The following PIP5K1A variants were observed in gnomAD, a reference collection of about 807,000 sequenced individuals.
PIP5K1A encodes phosphatidylinositol 4-phosphate 5-kinase type-1 alpha.
A neutral mutation model predicts 72.9 loss-of-function variants in PIP5K1A; 46 were observed. The observed-to-expected ratio is 0.63, with a 90% confidence interval of 0.50 to 0.81. PIP5K1A has a LOEUF of 0.81. Ranked by LOEUF, PIP5K1A falls within the 30% of genes least tolerant of loss-of-function variation. The pLI, the probability that PIP5K1A is intolerant of heterozygous loss-of-function variation, is 0.00. For missense variants in PIP5K1A, 458 were observed against 706.1 expected (o/e 0.65, Z 3.98); for synonymous variants, 228 against 255.1 (o/e 0.89, Z 1.01).
chr1:151,207,436 G>A (rs1686091048), intron 1 of PIP5K1A, among the ~76,000 whole-genome samples: 1 of 152,126 alleles, frequency 6.6e-6, no homozygotes, highest in Non-Finnish European at 1.5e-5. Flanking sequence ...GTTGACTAGA[G>A]GGAAATGTAG....
At chr1:151,217,582 AATTT>A (rs1005247284) in intron 1 of PIP5K1A, among the ~76,000 whole-genome samples, 3 of 151,856 alleles carry the variant, frequency 2.0e-5, no homozygotes, top group Non-Finnish European at 4.4e-5. Flanking sequence ...TTAATGTATT[AATTT>A]ATTTATGTAT....
At chr1:151,225,998 C>CA (rs1689065629) in intron 3 of PIP5K1A, among the ~76,000 whole-genome samples, 1 of 151,748 alleles carries the variant, frequency 6.6e-6, no homozygotes, top group African/African-American at 2.4e-5. Flanking sequence ...AGTCTGGTCT[C>CA]AAACTCCTAG....
intron 1 of PIP5K1A, among the ~76,000 whole-genome samples, chr1:151,216,536 C>T (rs1558254503): frequency 6.6e-6 from 1 of 152,074 alleles, no homozygotes; most frequent in Non-Finnish European, 1.5e-5. Context: ...TATTATGAAT[C>T]AGTGACTACC....
At chr1:151,233,771 G>C (rs1455892451) in intron 7 of PIP5K1A, 1 of 160,452 alleles carries the variant, frequency 6.2e-6, no homozygotes, top group Non-Finnish European at 1.4e-5. Context: ...TCAGCTTCTA[G>C]TTTGGGGAAT....
intron 4 of PIP5K1A, among the ~76,000 whole-genome samples, chr1:151,229,167 CAAAAAAAAAAA>C (rs34356281): frequency 0.025 from 1,048 of 41,374 alleles, 32 homozygotes; most frequent in African/African-American, 0.086. Context: ...GACCCCGTCT[CAAAAAAAAAAA>C]AAAAAAAAAA....
intron 14 of PIP5K1A, among the ~76,000 whole-genome samples, chr1:151,246,687 G>A (rs1692557000): frequency 6.6e-6 from 1 of 152,146 alleles, no homozygotes; most frequent in South Asian, 2.1e-4. Flanking sequence ...CCTGGAGATT[G>A]AAACAGAAGA....
At chr1:151,220,358 A>G (rs1003806268) in intron 1 of PIP5K1A, among the ~76,000 whole-genome samples, 5 of 151,810 alleles carry the variant, frequency 3.3e-5, no homozygotes, top group African/African-American at 1.2e-4. Flanking sequence ...GATTATCCAG[A>G]CTTGCTTTAT....
chr1:151,204,199 G>A (rs1004931285), intron 1 of PIP5K1A, among the ~76,000 whole-genome samples: 14 of 152,026 alleles, frequency 9.2e-5, no homozygotes, highest in Non-Finnish European at 1.6e-4. Flanking sequence ...TTTTTGAGAT[G>A]GAGTTTCGCT....
chr1:151,238,544 T>C (rs1230948963), intron 10 of PIP5K1A: 1 of 389,950 alleles, frequency 2.6e-6, no homozygotes, highest in Non-Finnish European at 4.8e-6. Flanking sequence ...ATATGCCATC[T>C]GTCTGGCTCT....
intron 1 of PIP5K1A, among the ~76,000 whole-genome samples, chr1:151,200,978 C>CAGGCGTGG: frequency 6.6e-6 from 1 of 152,124 alleles, no homozygotes; most frequent in East Asian, 1.9e-4. Context: ...TACAGGCGCC[C>CAGGCGTGG]ACCACCACGC....
intron 15 of PIP5K1A, 151 bp from the exon 16 acceptor site, chr1:151,247,712 C>T (rs1310588861): frequency 6.3e-6 from 4 of 632,402 alleles, no homozygotes; most frequent in Non-Finnish European, 5.6e-6. Context: ...GTGTGAGCCA[C>T]CATGCGCGGC....
At chr1:151,197,267 G>GTT (rs201417006), upstream of PIP5K1A, among the ~76,000 whole-genome samples, 1 of 150,696 alleles carries the variant, frequency 6.6e-6, no homozygotes, top group Non-Finnish European at 1.5e-5. Context: ...TACAAAACCT[G>GTT]TTTTTTTTGT....
chr1:151,232,873 A>G (rs7545024), intron 7 of PIP5K1A, among the ~76,000 whole-genome samples, 170 bp downstream of exon 7: 127,573 of 151,960 alleles, frequency 0.84, 53,858 homozygotes, highest in Non-Finnish European at 0.87. Context: ...GGCCGAGGCA[A>G]GAGGATCACA....
chr1:151,195,695 A>G (rs963691032), upstream of PIP5K1A, among the ~76,000 whole-genome samples: 4 of 150,974 alleles, frequency 2.6e-5, no homozygotes, highest in Non-Finnish European at 3.0e-5. Flanking sequence ...AGGTTGCAGT[A>G]AGCCAAGCGC....
intron 14 of PIP5K1A, among the ~76,000 whole-genome samples, chr1:151,244,483 A>G (rs1396972083): frequency 6.6e-6 from 1 of 152,046 alleles, no homozygotes; most frequent in African/African-American, 2.4e-5. Flanking sequence ...GCGAAACCCC[A>G]TCTCTACCAA....
intron 1 of PIP5K1A, among the ~76,000 whole-genome samples, chr1:151,211,597 C>T (rs915280853): frequency 6.6e-6 from 1 of 151,386 alleles, no homozygotes; most frequent in Admixed American, 6.6e-5. Flanking sequence ...GAGATCGAGA[C>T]CATCCTGGCT....
intron 1 of PIP5K1A, among the ~76,000 whole-genome samples, chr1:151,208,121 A>G (rs1686206627): frequency 6.6e-6 from 1 of 152,036 alleles, no homozygotes; most frequent in Non-Finnish European, 1.5e-5. Context: ...TGGCCTCCCA[A>G]AGTGCTGGGA....
At chr1:151,223,971 A>T (rs1688757204) in intron 1 of PIP5K1A, 2 of 506,928 alleles carry the variant, frequency 3.9e-6, no homozygotes, top group South Asian at 5.2e-5. Context: ...CCATCTCAAA[A>T]AAAAAGAAAA....
chr1:151,215,134 G>A (rs1363680464), intron 1 of PIP5K1A, among the ~76,000 whole-genome samples: 2 of 150,560 alleles, frequency 1.3e-5, no homozygotes, highest in Non-Finnish European at 3.0e-5. Flanking sequence ...GGGTTCAAGC[G>A]ATTCTCCTGC....
Sources: gnomAD v4.1 joint callset for allele counts (sites outside exome capture counted in the v4.1 genomes callset) on GRCh38, gnomAD v4.1.1 for gene constraint, MANE v1.5 for transcripts, NCBI Gene and HGNC (gene_info 2026-07-23, HGNC 2026-07-21) for gene names.